Variants in AOPEP observed in about 807,000 individuals in gnomAD.
The protein encoded by AOPEP is aminopeptidase O (putative).
In AOPEP, 77 loss-of-function variants were observed where a neutral mutation model predicts 98.1. The observed-to-expected ratio is 0.78, with a 90% CI of 0.65 to 0.95. AOPEP has a LOEUF of 0.95. Among genes scored for constraint, AOPEP ranks in the 40% least tolerant of loss-of-function variants. The pLI is 0.00. For synonymous variants in AOPEP, 346 were observed against 365.3 expected (o/e 0.95, Z 0.60); for missense variants, 1,024 against 1,024.7 (o/e 1.00, Z 0.01).
chr9:94,936,737 A>G (rs1474754220), intron 7 of AOPEP, among the ~76,000 whole-genome samples: 1 of 152,156 alleles, frequency 6.6e-6, no homozygotes, highest in Non-Finnish European at 1.5e-5. Context: ...CACCTCCGAC[A>G]CCAGTCACAC....
the AOPEP span, chr9:95,125,245 C>G: frequency 1.5e-6 from 2 of 1,358,902 alleles, no homozygotes; most frequent in East Asian, 2.3e-5. Flanking sequence ...AACATGAAAA[C>G]CTGCACTGTA....
intron 16 of AOPEP, among the ~76,000 whole-genome samples, chr9:95,085,703 T>C (rs1376794793): frequency 6.6e-6 from 1 of 152,230 alleles, no homozygotes; most frequent in Non-Finnish European, 1.5e-5. Flanking sequence ...AGCCATGTAC[T>C]GAGTCCTTAA....
intron 13 of AOPEP, among the ~76,000 whole-genome samples, chr9:95,057,301 C>T (rs1056472620): frequency 6.6e-6 from 1 of 152,224 alleles, no homozygotes; most frequent in Admixed American, 6.5e-5. Flanking sequence ...AATAAATAAA[C>T]GCAGCTGGCC....
chr9:94,814,347 G>C (rs1851258705), intron 5 of AOPEP, among the ~76,000 whole-genome samples: 1 of 152,188 alleles, frequency 6.6e-6, no homozygotes, highest in Non-Finnish European at 1.5e-5. Context: ...GAGAAGGTCT[G>C]GTTTCCTGGG....
Position 94,808,156 on chromosome 9 carries a change from C to T in AOPEP, c.1364+7154C>T, listed in dbSNP as rs565197221. Among the ~76,000 whole-genome samples the T allele has an allele frequency of 3.9e-5, 6 of 152,070 alleles. No individual in the cohort carries two copies. In the South Asian group the frequency reaches 1.2e-3, roughly 32 times the overall value. ...CTCCCAGGTTTAGGCAGTTCTGCCT[C>T]AGCCTCCTGAGTAGCAGGGGCTACA... On this transcript the variant is annotated intron_variant, in intron 5 of 16. Transcript: ENST00000375315.
At chr9:94,859,684 A>ATTCCATCCTGGTGTGATCTGAGTTAAGG in intron 5 of AOPEP, among the ~76,000 whole-genome samples, 1 of 152,182 alleles carries the variant, frequency 6.6e-6, no homozygotes, top group South Asian at 2.1e-4. Flanking sequence ...CTCTCAGCCT[A>ATTCCATCCTGGTGTGATCTGAGTTAAGG]TTCCATCCTG....
At chr9:94,953,787 G>A (rs939465351) in intron 7 of AOPEP, among the ~76,000 whole-genome samples, 1 of 152,090 alleles carries the variant, frequency 6.6e-6, no homozygotes, top group East Asian at 1.9e-4. Flanking sequence ...ACACTCCTCA[G>A]TGTTGATCCA....
intron 5 of AOPEP, among the ~76,000 whole-genome samples, chr9:94,890,673 T>G (rs780738666): frequency 6.6e-6 from 1 of 152,206 alleles, no homozygotes; most frequent in Non-Finnish European, 1.5e-5. Flanking sequence ...AAACTTTGGT[T>G]TTTTCATTCA....
intron 13 of AOPEP, among the ~76,000 whole-genome samples, chr9:95,042,129 G>A (rs537984810): frequency 1.3e-5 from 2 of 152,140 alleles, no homozygotes; most frequent in South Asian, 4.2e-4. Flanking sequence ...TGGCTAACAG[G>A]GTGAAACCCC....
intron 5 of AOPEP, among the ~76,000 whole-genome samples, chr9:94,906,305 A>G (rs1180422717): frequency 6.6e-6 from 1 of 151,512 alleles, no homozygotes; most frequent in Non-Finnish European, 1.5e-5. Flanking sequence ...CAAAAAAAAA[A>G]AAATGTAAAA....
chr9:94,910,974 G>A (rs1310448397), intron 5 of AOPEP, among the ~76,000 whole-genome samples: 1 of 152,156 alleles, frequency 6.6e-6, no homozygotes, highest in African/African-American at 2.4e-5. Context: ...TTATGATACA[G>A]TATCTGTGTC....
At chr9:94,812,112 G>A (rs944172499) in intron 5 of AOPEP, among the ~76,000 whole-genome samples, 1 of 152,152 alleles carries the variant, frequency 6.6e-6, no homozygotes, top group African/African-American at 2.4e-5. Context: ...CCTGTACTAT[G>A]TTTCTAAAGG....
chr9:94,919,484 C>G (rs925413821), intron 5 of AOPEP, among the ~76,000 whole-genome samples: 12 of 152,170 alleles, frequency 7.9e-5, no homozygotes, highest in Admixed American at 3.9e-4. Context: ...CACCCCCCCA[C>G]TTTGGCTTCA....
At chr9:94,984,674 T>A (rs1226222810) in intron 11 of AOPEP, among the ~76,000 whole-genome samples, 1 of 152,236 alleles carries the variant, frequency 6.6e-6, no homozygotes, top group Non-Finnish European at 1.5e-5. Flanking sequence ...ACCTGTTACT[T>A]CTTTTTAAAT....
chr9:95,104,336 A>T, the AOPEP span, among the ~76,000 whole-genome samples: 9 of 152,292 alleles, frequency 5.9e-5, no homozygotes, highest in South Asian at 1.5e-3. Context: ...TCCCTGACAG[A>T]GTCAGTGCAT....
chr9:94,858,896 C>A (rs747129665), intron 5 of AOPEP, among the ~76,000 whole-genome samples: 2 of 151,812 alleles, frequency 1.3e-5, no homozygotes, highest in African/African-American at 2.4e-5. Context: ...GGTGTGGTAG[C>A]GGGTGCCTGT....
rs114164684 is a variant in AOPEP, at chr9:94,840,601, A to G, written c.1364+39599A>G. On this transcript the variant is annotated intron_variant, in intron 5 of 16. Transcript: ENST00000375315. ...ATTATTTCTTCTTTAAATGTTTGAT[A>G]TAATTCACATGTGAAACCTGGGCCT... is the stretch of plus-strand genomic sequence containing the variant. Among the ~76,000 whole-genome samples the G allele has an allele frequency of 7.4e-3, 1,134 of 152,326 alleles. 20 individuals are homozygous for G. Among genetic ancestry groups the G allele is most frequent in the African/African-American group, 0.025 (1,051 of 41,570 alleles).
intron 4 of AOPEP, among the ~76,000 whole-genome samples, chr9:94,800,188 G>A (rs925961106): frequency 2.0e-5 from 3 of 152,214 alleles, no homozygotes; most frequent in African/African-American, 4.8e-5. Context: ...CTTTTGATGG[G>A]CTGTGTAAAG....
rs567647258 is a variant in AOPEP, at chr9:94,919,884, C to T, written c.1365-4102C>T. 3.9e-5 allele frequency among the ~76,000 whole-genome samples: 6 copies of T among 152,308 alleles called. No individual in the cohort carries two copies. The East Asian group carries it at 5.8e-4, about 15-fold the overall frequency. On this transcript the variant is annotated intron_variant, in intron 5 of 16. Transcript: ENST00000375315. ...CTCTCGGGTCTTCCTTTGTCTCTAT[C>T]ATGGGATATTGGGCTGCACATGTTG...
Sources: allele counts gnomAD v4.1 joint callset (sites outside exome capture counted in the v4.1 genomes callset), GRCh38; gene constraint gnomAD v4.1.1; transcripts MANE v1.5; gene names NCBI Gene and HGNC (gene_info 2026-07-23, HGNC 2026-07-21).